The following SNX29 variants were observed in gnomAD, a reference collection of about 807,000 sequenced individuals.
SNX29 encodes sorting nexin 29.
In SNX29, 78 loss-of-function variants were observed where a neutral mutation model predicts 102.1. The observed-to-expected ratio is 0.76, with a 90% CI of 0.64 to 0.92. The LOEUF (loss-of-function observed/expected upper bound fraction) is 0.92. SNX29 is among the 40% of genes least tolerant of loss of function. The pLI, the probability that SNX29 is intolerant of heterozygous loss-of-function variation, is 0.00. For missense variants in SNX29, 1,280 were observed against 1,061.7 expected (o/e 1.21, Z -2.86); for synonymous variants, 580 against 414.5 (o/e 1.40, Z -4.85).
chr16:12,443,850 G>A (rs1045515294), intron 18 of SNX29, among the ~76,000 whole-genome samples: 1 of 152,202 alleles, frequency 6.6e-6, no homozygotes, highest in Non-Finnish European at 1.5e-5. Context: ...TTCTTCACTT[G>A]CAAAAAGGGT....
At chr16:12,244,981 G>A (rs1196816256) in intron 14 of SNX29, among the ~76,000 whole-genome samples, 3 of 152,308 alleles carry the variant, frequency 2.0e-5, no homozygotes, top group East Asian at 1.9e-4. Context: ...TTGATGAAGC[G>A]TCAGGTAGGA....
intron 15 of SNX29, among the ~76,000 whole-genome samples, chr16:12,339,704 A>C (rs1250500721): frequency 6.6e-6 from 1 of 152,238 alleles, no homozygotes; most frequent in Non-Finnish European, 1.5e-5. Flanking sequence ...TAGCAGCTCC[A>C]AGCTTATGTC....
intron 14 of SNX29, among the ~76,000 whole-genome samples, chr16:12,266,016 C>A (rs184676987): frequency 5.1e-4 from 77 of 152,236 alleles, no homozygotes; most frequent in Admixed American, 1.2e-3. Flanking sequence ...AACTGAGGTT[C>A]AGAGAAAGGA....
intron 20 of SNX29, among the ~76,000 whole-genome samples, chr16:12,563,376 TATTTTACCCGTAACCATG>T (rs2078841125): frequency 6.6e-6 from 1 of 152,228 alleles, no homozygotes; most frequent in Non-Finnish European, 1.5e-5. Flanking sequence ...GCCACGTTGA[TATTTTACCCGTAACCATG>T]AAAATAGATG....
chr16:12,154,485 C>T (rs1229334391), intron 13 of SNX29, among the ~76,000 whole-genome samples: 1 of 152,138 alleles, frequency 6.6e-6, no homozygotes, highest in Non-Finnish European at 1.5e-5. Context: ...ACGTGTGTGT[C>T]TGATTAGGGT....
rs2141247502 is a variant in SNX29, at chr16:12,540,593, G to T, written c.2318+15752G>T. Among the ~76,000 whole-genome samples the T allele has an allele frequency of 3.3e-5, 5 of 152,270 alleles. No individual in the cohort carries two copies. The Middle Eastern group carries it at 0.014, about 414-fold the overall frequency. ...CTTTGCTTCCCAGCAATTACTCTGG[G>T]ACCCTGAGATTCCATGGGGTGGACC... On this transcript the variant is annotated intron_variant, in intron 20 of 20. Transcript: ENST00000566228.
chr16:12,562,067 G>C (rs7195488), intron 20 of SNX29, among the ~76,000 whole-genome samples: 89,028 of 141,192 alleles, frequency 0.63, 26,528 homozygotes, highest in Middle Eastern at 0.77. Context: ...TTTCCTTCCC[G>C]TGTTTTCTGC....
At chr16:12,554,520 T>G (rs1373827094) in intron 20 of SNX29, among the ~76,000 whole-genome samples, 1 of 152,234 alleles carries the variant, frequency 6.6e-6, no homozygotes, top group Non-Finnish European at 1.5e-5. Flanking sequence ...GGATGCTGCA[T>G]TGAACATTCT....
Position 12,054,673 on chromosome 16 carries a change from G to C in SNX29, c.1124+2451G>C, listed in dbSNP as rs112513286. On this transcript the variant is annotated intron_variant, in intron 8 of 20. Coordinates refer to ENST00000566228, the MANE Select transcript of SNX29 (RefSeq NM_032167.5). ...CCCAGCTTTCCTGGGTCTTCAGCTT[G>C]TGGACTGCGGATCATGGGACTTCTT... Among the ~76,000 whole-genome samples the C allele has an allele frequency of 5.9e-3, 899 of 152,330 alleles. 15 individuals are homozygous for C. Among genetic ancestry groups the C allele is most frequent in the African/African-American group, 0.02 (826 of 41,570 alleles).
chr16:12,252,881 C>T (rs7197032), intron 14 of SNX29, among the ~76,000 whole-genome samples: 7,542 of 152,334 alleles, frequency 0.05, 286 homozygotes, highest in Non-Finnish European at 0.067. Context: ...TCTAATTGCT[C>T]ATCAGACCCA....
At chr16:12,382,537 G>A (rs918725108) in intron 16 of SNX29, among the ~76,000 whole-genome samples, 8 of 152,348 alleles carry the variant, frequency 5.3e-5, no homozygotes, top group Admixed American at 4.6e-4. Context: ...AGAAAAATGC[G>A]TAACGCAGGG....
At chr16:12,143,526 A>G (rs369421729) in intron 13 of SNX29, among the ~76,000 whole-genome samples, 1 of 152,288 alleles carries the variant, frequency 6.6e-6, no homozygotes, top group East Asian at 1.9e-4. Context: ...GGGATCTGAG[A>G]TGGCCATTTT....
At position 12,254,972 on chromosome 16, in the gene SNX29, A is replaced by G. The variant is rs528888018; in HGVS notation, c.1679-22961A>G. Among the ~76,000 whole-genome samples, 24 of 152,278 alleles carry G rather than the reference A, an allele frequency of 1.6e-4. No homozygotes were observed. The South Asian group carries it at 5.0e-3, about 32-fold the overall frequency. ...GACAGGAGTAAGGAAATGCAGCAGT[A>G]ATGGCAGGGACGTGCAGCAGGAATT... On this transcript the variant is annotated intron_variant, in intron 14 of 20. Coordinates refer to ENST00000566228, the MANE Select transcript of SNX29 (RefSeq NM_032167.5).
intron 16 of SNX29, among the ~76,000 whole-genome samples, chr16:12,377,219 T>G (rs1375885413): frequency 1.3e-5 from 2 of 152,212 alleles, no homozygotes; most frequent in African/African-American, 2.4e-5. Flanking sequence ...AGTATATTAG[T>G]CAACGTAGGT....
chr16:12,175,853 TA>T (rs923983474), intron 13 of SNX29, among the ~76,000 whole-genome samples: 11 of 149,020 alleles, frequency 7.4e-5, no homozygotes, highest in East Asian at 2.0e-4. Flanking sequence ...CAAAAATAAT[TA>T]AAAAAAAAAT....
At chr16:12,464,623 T>G (rs2086968903) in intron 18 of SNX29, among the ~76,000 whole-genome samples, 1 of 151,948 alleles carries the variant, frequency 6.6e-6, no homozygotes, top group African/African-American at 2.4e-5. Context: ...CCTGGCTAAT[T>G]TTTAAACTTT....
At chr16:12,009,242 G>A (rs1246921210) in intron 3 of SNX29, among the ~76,000 whole-genome samples, 2 of 152,070 alleles carry the variant, frequency 1.3e-5, no homozygotes, top group Non-Finnish European at 2.9e-5. Context: ...CCAAGGTGTT[G>A]GTGGATGAGT....
At chr16:12,457,198 C>G (rs944640962) in intron 18 of SNX29, among the ~76,000 whole-genome samples, 5 of 152,196 alleles carry the variant, frequency 3.3e-5, no homozygotes, top group Non-Finnish European at 7.4e-5. Context: ...CAATAAACAC[C>G]GGTCATGCTT....
intron 14 of SNX29, among the ~76,000 whole-genome samples, chr16:12,221,974 C>T (rs903252446): frequency 2.0e-5 from 3 of 152,204 alleles, no homozygotes; most frequent in Non-Finnish European, 4.4e-5. Flanking sequence ...CTCCCTTCTC[C>T]CTGCCTTGGA....
Sources: gnomAD v4.1 joint callset for allele counts (sites outside exome capture counted in the v4.1 genomes callset) on GRCh38, gnomAD v4.1.1 for gene constraint, MANE v1.5 for transcripts, NCBI Gene and HGNC (gene_info 2026-07-23, HGNC 2026-07-21) for gene names.